AGTPBP1: variants seen among roughly 807,000 people sequenced by gnomAD.
AGTPBP1 encodes the protein cytosolic carboxypeptidase 1.
A neutral mutation model predicts 143.9 loss-of-function variants in AGTPBP1; 70 were observed. That is an observed-to-expected ratio of 0.49 (90% CI 0.40 to 0.59). AGTPBP1 has a LOEUF of 0.59. Ranked by LOEUF, AGTPBP1 falls within the 20% of genes least tolerant of loss-of-function variation. The pLI is 0.00. For synonymous variants in AGTPBP1, 463 were observed against 500.2 expected (o/e 0.93, Z 0.99); for missense variants, 1,229 against 1,464.5 (o/e 0.84, Z 2.62).
chr9:85,719,804 A>G (rs1837979865), intron 1 of AGTPBP1, among the ~76,000 whole-genome samples: 1 of 152,182 alleles, frequency 6.6e-6, no homozygotes, highest in South Asian at 2.1e-4. Context: ...GGTCTGTCAT[A>G]AATAGCTCTT....
At chr9:85,777,830 C>T in the AGTPBP1 span, among the ~76,000 whole-genome samples, 4 of 152,348 alleles carry the variant, frequency 2.6e-5, no homozygotes, top group East Asian at 7.7e-4. Flanking sequence ...GCCATTTCTC[C>T]TTCCATGCAA....
At chr9:85,794,670 A>G in the AGTPBP1 span, among the ~76,000 whole-genome samples, 1 of 152,130 alleles carries the variant, frequency 6.6e-6, no homozygotes, top group Non-Finnish European at 1.5e-5. Context: ...CCAGTTGTCC[A>G]TTTCTACAAA....
the AGTPBP1 span, among the ~76,000 whole-genome samples, chr9:85,762,509 A>G: frequency 6.6e-6 from 1 of 151,878 alleles, no homozygotes; most frequent in East Asian, 1.9e-4. Context: ...TTCTCAGCAA[A>G]GTATTGCAAG....
At chr9:85,696,631 G>C (rs1399966304) in intron 2 of AGTPBP1, among the ~76,000 whole-genome samples, 2 of 151,318 alleles carry the variant, frequency 1.3e-5, no homozygotes, top group Admixed American at 6.6e-5. Context: ...TGTGCCACTG[G>C]ACTCCAAACT....
intron 17 of AGTPBP1, among the ~76,000 whole-genome samples, chr9:85,617,252 ATT>A (rs1564067757): frequency 6.6e-6 from 1 of 152,190 alleles, no homozygotes; most frequent in Non-Finnish European, 1.5e-5. Flanking sequence ...ATGATACAGC[ATT>A]TCATGTCTCA....
At chr9:85,566,227 G>A (rs188591135) in intron 25 of AGTPBP1, among the ~76,000 whole-genome samples, 162 of 152,192 alleles carry the variant, frequency 1.1e-3, no homozygotes, top group African/African-American at 3.7e-3. Context: ...TCTCTTAAAA[G>A]TTGGTATTGA....
intron 11 of AGTPBP1, among the ~76,000 whole-genome samples, chr9:85,650,727 CTATT>C (rs889430106): frequency 6.6e-6 from 1 of 152,188 alleles, no homozygotes; most frequent in Non-Finnish European, 1.5e-5. Context: ...TTAACCACCC[CTATT>C]TACTTTGCCA....
At chr9:85,653,087 CAT>C (rs746114200) in intron 11 of AGTPBP1, among the ~76,000 whole-genome samples, 2 of 151,976 alleles carry the variant, frequency 1.3e-5, no homozygotes, top group African/African-American at 4.8e-5. Flanking sequence ...GACTGTGAAA[CAT>C]ATAATGAAGC....
At chr9:85,774,669 G>A in the AGTPBP1 span, among the ~76,000 whole-genome samples, 1 of 152,156 alleles carries the variant, frequency 6.6e-6, no homozygotes, top group Non-Finnish European at 1.5e-5. Flanking sequence ...TCATTGTTAG[G>A]TGATACTGTT....
the AGTPBP1 span, among the ~76,000 whole-genome samples, chr9:85,779,086 C>T: frequency 6.6e-6 from 1 of 151,826 alleles, no homozygotes; most frequent in Non-Finnish European, 1.5e-5. Flanking sequence ...AAAAGAACTC[C>T]ATCCTTAATA....
At chr9:85,579,212 T>A in intron 23 of AGTPBP1, 116 bp from the exon 24 acceptor site, 1 of 995,898 alleles carries the variant, frequency 1.0e-6, no homozygotes. Flanking sequence ...ATGTGGATGT[T>A]CTATTATATA....
chr9:85,623,088 C>T (rs892007210), intron 14 of AGTPBP1, among the ~76,000 whole-genome samples: 1 of 152,098 alleles, frequency 6.6e-6, no homozygotes, highest in South Asian at 2.1e-4. Flanking sequence ...CAGGGGCCAG[C>T]AGGTATGAGA....
chr9:85,567,472 AT>A (rs1188998339), intron 25 of AGTPBP1, among the ~76,000 whole-genome samples: 2 of 152,132 alleles, frequency 1.3e-5, no homozygotes, highest in African/African-American at 4.8e-5. Context: ...CATGCCTGTA[AT>A]CCCAGCTACT....
chr9:85,561,548 C>A (rs1198684645), intron 25 of AGTPBP1, among the ~76,000 whole-genome samples: 1 of 151,888 alleles, frequency 6.6e-6, no homozygotes, highest in Non-Finnish European at 1.5e-5. Flanking sequence ...CTGAAAATAT[C>A]CCTCAACAAG....
At chr9:85,663,619 A>G (rs77649359) in intron 8 of AGTPBP1, among the ~76,000 whole-genome samples, 1,808 of 117,812 alleles carry the variant, frequency 0.015, 37 homozygotes, top group African/African-American at 0.056. Flanking sequence ...ATGATGGGGG[A>G]AAAAAAAAAA....
chr9:85,638,284 T>C (rs1430087706), intron 13 of AGTPBP1, among the ~76,000 whole-genome samples: 7 of 152,118 alleles, frequency 4.6e-5, no homozygotes, highest in African/African-American at 1.7e-4. Context: ...TTTTTGCGTA[T>C]TTGTCAATAA....
chr9:85,596,283 TCCTTTTA>T, intron 18 of AGTPBP1, 72 bp downstream of exon 18: 1 of 966,482 alleles, frequency 1.0e-6, no homozygotes, highest in East Asian at 2.6e-5. Flanking sequence ...CTCTACTGTT[TCCTTTTA>T]CACTGAAACA....
In AGTPBP1 at chr9:85,648,391, T is replaced by C. The variant is rs562782861; in HGVS notation, c.1088-1973A>G. Among the ~76,000 whole-genome samples the C allele has an allele frequency of 5.3e-5, 8 of 152,248 alleles. No individual in the cohort carries two copies. The South Asian group carries it at 1.7e-3, about 32-fold the overall frequency. ...AAATTCTTAGATAGCAAAAAATAAA[T>C]ATTCATATTTCACATGGTAACCTGG... On this transcript the variant is annotated intron_variant, in intron 11 of 25. Transcript: ENST00000357081.
At chr9:85,723,632 CT>C (rs1056907769) in intron 1 of AGTPBP1, among the ~76,000 whole-genome samples, 14 of 152,232 alleles carry the variant, frequency 9.2e-5, no homozygotes, top group African/African-American at 3.4e-4. Context: ...GGGAAATCCC[CT>C]GACCCCTTGC....
Sources: gnomAD v4.1 joint callset for allele counts (sites outside exome capture counted in the v4.1 genomes callset) on GRCh38, gnomAD v4.1.1 for gene constraint, MANE v1.5 for transcripts, NCBI Gene and HGNC (gene_info 2026-07-23, HGNC 2026-07-21) for gene names.